The following ITPR1 variants were observed in gnomAD, a reference collection of about 807,000 sequenced individuals.
The protein encoded by ITPR1 is inositol 1,4,5-trisphosphate-gated calcium channel ITPR1.
A neutral mutation model predicts 318.4 loss-of-function variants in ITPR1; 96 were observed. The observed-to-expected ratio is 0.30, with a 90% CI of 0.26 to 0.36. The LOEUF is 0.36. Ranked by LOEUF, ITPR1 falls within the 10% of genes least tolerant of loss-of-function variation. The pLI, the probability that ITPR1 is intolerant of heterozygous loss-of-function variation, is 1.00. For synonymous variants in ITPR1, 1,312 were observed against 1,289.9 expected, an observed-to-expected ratio of 1.02 and a Z score of -0.37; for missense variants, 2,440 against 3,460.2, an observed-to-expected ratio of 0.71 and a Z score of 7.40.
chr3:4,695,660 G>C (rs1347088053), intron 33 of ITPR1, among the ~76,000 whole-genome samples: 1 of 152,104 alleles, frequency 6.6e-6, no homozygotes, highest in African/African-American at 2.4e-5. Context: ...AGTTTTGTGA[G>C]GTTTTGGACT....
At chr3:4,552,738 T>C (rs2085694514) in intron 4 of ITPR1, among the ~76,000 whole-genome samples, 2 of 152,210 alleles carry the variant, frequency 1.3e-5, no homozygotes, top group African/African-American at 4.8e-5. Context: ...CCCTCTCCTC[T>C]TTCTGGGCTG....
chr3:4,800,734 A>ATCCCCT, intron 54 of ITPR1, 134 bp downstream of exon 54: 1 of 909,386 alleles, frequency 1.1e-6, no homozygotes, highest in Non-Finnish European at 1.7e-6. Context: ...TTAAATAGCC[A>ATCCCCT]GAAGCAGGGG....
chr3:4,502,371 A>G (rs1575323419), intron 2 of ITPR1, among the ~76,000 whole-genome samples: 1 of 152,090 alleles, frequency 6.6e-6, no homozygotes, highest in African/African-American at 2.4e-5. Flanking sequence ...TGCTTACACA[A>G]TAAGTAATTT....
chr3:4,768,464 G>A (rs1188598540), intron 45 of ITPR1, 47 bp from the exon 46 acceptor site: 2 of 1,549,654 alleles, frequency 1.3e-6, no homozygotes, highest in East Asian at 2.3e-5. Flanking sequence ...GGTGAATAGG[G>A]CCCATGAGGA....
rs372628182 is a variant in ITPR1, at chr3:4,611,561, AAAATAAAT to A, written c.164-16173_164-16166del. ...GGTGACAGAGCGAGACTCTCTCTCA[AAAATAAAT>A]AAATAAATAAATAAATAAATAAATA... is the stretch of plus-strand genomic sequence containing the variant. On this transcript the variant is annotated intron_variant, in intron 4 of 61. Transcript: ENST00000649015. Among the ~76,000 whole-genome samples, 878 of 142,552 alleles carry A rather than the reference AAAATAAAT, an allele frequency of 6.2e-3. 7 individuals are homozygous for A. Among genetic ancestry groups the A allele is most frequent in the African/African-American group, 0.02 (749 of 37,612 alleles). 93.5% of individuals were successfully genotyped at this position (142,552 alleles called of 152,430 possible).
chr3:4,641,099 A>G (rs1481243863), intron 6 of ITPR1, among the ~76,000 whole-genome samples: 1 of 152,216 alleles, frequency 6.6e-6, no homozygotes, highest in African/African-American at 2.4e-5. Flanking sequence ...GATAATCGCA[A>G]TTAGCAATGG....
intron 4 of ITPR1, among the ~76,000 whole-genome samples, chr3:4,588,906 T>C (rs1459703999): frequency 6.6e-6 from 1 of 152,120 alleles, no homozygotes; most frequent in Non-Finnish European, 1.5e-5. Context: ...TTCTAGGCCT[T>C]CAGTTATAGT....
intron 42 of ITPR1, among the ~76,000 whole-genome samples, chr3:4,731,311 C>G (rs540333935): frequency 3.2e-4 from 49 of 152,254 alleles, no homozygotes; most frequent in African/African-American, 1.2e-3. Flanking sequence ...ATGGGGTATT[C>G]CAAGTCATTA....
At chr3:4,513,770 A>G (rs2081998451) in intron 2 of ITPR1, among the ~76,000 whole-genome samples, 3 of 152,284 alleles carry the variant, frequency 2.0e-5, no homozygotes, top group Middle Eastern at 6.8e-3. Context: ...ATCACTGTTG[A>G]TAAACACCTC....
chr3:4,512,998 G>T (rs117813178), intron 2 of ITPR1, among the ~76,000 whole-genome samples: 1 of 152,262 alleles, frequency 6.6e-6, no homozygotes, highest in East Asian at 1.9e-4. Flanking sequence ...CCGCAGCTCC[G>T]TGGCAGGTTG....
Position 4,642,250 on chromosome 3 carries a change from G to A in ITPR1, c.524G>A (p.Ser175Asn). 6.5e-7 allele frequency: 1 copy of A among 1,545,028 alleles called. No individual in the cohort carries two copies. The highest frequency in any genetic ancestry group is 1.3e-5 in the South Asian group (1 of 79,376). ...PFYKLRSIGD[S>N]VVIGDKVVLN... ...TACAAGCTGCGATCCATTGGAGACA[G>A]CGTAAGTGCGGATTCTCCACCTAGA... The change falls in exon 7 of 62, where the codon AGC becomes AAC. Residue 175 changes from serine (S) to asparagine (N), a missense_variant and splice_region_variant. By Grantham distance (46) the Ser-to-Asn change is conservative. Coordinates refer to ENST00000649015, the MANE Select transcript of ITPR1 (RefSeq NM_001378452.1).
intron 40 of ITPR1, among the ~76,000 whole-genome samples, chr3:4,721,659 C>A (rs547763253): frequency 6.6e-6 from 1 of 152,136 alleles, no homozygotes; most frequent in South Asian, 2.1e-4. Context: ...ATAACTAGAT[C>A]TACGGTACAG....
At chr3:4,825,564 CATT>C (rs1352785345) in intron 60 of ITPR1, among the ~76,000 whole-genome samples, 3 of 152,136 alleles carry the variant, frequency 2.0e-5, no homozygotes, top group African/African-American at 4.8e-5. Context: ...TATGAGGAAA[CATT>C]ATGAGAAGAT....
At chr3:4,607,804 C>A (rs9860924) in intron 4 of ITPR1, among the ~76,000 whole-genome samples, 12,318 of 151,970 alleles carry the variant, frequency 0.081, 544 homozygotes, top group Middle Eastern at 0.099. Flanking sequence ...AGATTTGCAA[C>A]AAAACTTGAA....
intron 48 of ITPR1, among the ~76,000 whole-genome samples, chr3:4,778,827 C>T (rs1575213268): frequency 6.6e-6 from 1 of 152,104 alleles, no homozygotes; most frequent in South Asian, 2.1e-4. Flanking sequence ...AGACCACTCT[C>T]ACTGTCCAAA....
chr3:4,569,376 C>T (rs773894796), intron 4 of ITPR1, among the ~76,000 whole-genome samples: 1 of 152,112 alleles, frequency 6.6e-6, no homozygotes, highest in African/African-American at 2.4e-5. Flanking sequence ...AACAGTATAA[C>T]AGTATGTTTA....
At chr3:4,775,191 C>T (rs2046412748) in intron 46 of ITPR1, 51 bp from the exon 47 acceptor site, 1 of 1,293,892 alleles carries the variant, frequency 7.7e-7, no homozygotes, top group Admixed American at 1.7e-5. Context: ...AATAACGTTT[C>T]CCTCTTCCCT....
chr3:4,663,871 TTACAGAA>T (rs1301610972), intron 16 of ITPR1, among the ~76,000 whole-genome samples: 1 of 152,230 alleles, frequency 6.6e-6, no homozygotes, highest in Non-Finnish European at 1.5e-5. Context: ...TGTTTTCCCT[TTACAGAA>T]TGTGACATGG....
chr3:4,761,067 A>G (rs1309175661), intron 44 of ITPR1, among the ~76,000 whole-genome samples: 1 of 152,204 alleles, frequency 6.6e-6, no homozygotes, highest in Non-Finnish European at 1.5e-5. Flanking sequence ...AAGTTGTCTC[A>G]TTCCCATTTA....
Sources: gnomAD v4.1 joint callset for allele counts (sites outside exome capture counted in the v4.1 genomes callset) on GRCh38, gnomAD v4.1.1 for gene constraint, MANE v1.5 for transcripts, NCBI Gene and HGNC (gene_info 2026-07-23, HGNC 2026-07-21) for gene names.